The following MLXIP variants were observed in gnomAD, a reference collection of about 807,000 sequenced individuals.
MLXIP encodes the protein MLX interacting protein, also known as MLX-interacting protein.
MLXIP carries 30 observed loss-of-function variants against 87.2 expected under a neutral mutation model. That is an observed-to-expected ratio of 0.34 (90% CI 0.26 to 0.47). MLXIP has a LOEUF of 0.47. Among genes scored for constraint, MLXIP ranks in the 20% least tolerant of loss-of-function variants. The pLI, the probability that MLXIP is intolerant of heterozygous loss-of-function variation, is 1.00. For synonymous variants in MLXIP, 530 were observed against 514.0 expected (o/e 1.03, Z -0.42); for missense variants, 1,002 against 1,240.1 (o/e 0.81, Z 2.88).
chr12:122,138,070 C>T (rs1459885880), intron 12 of MLXIP, 124 bp from the exon 13 acceptor site: 1 of 761,838 alleles, frequency 1.3e-6, no homozygotes, highest in Non-Finnish European at 2.1e-6. Context: ...TCTCGTCGTG[C>T]CCTCCTCCCA....
chr12:122,128,089 C>T (rs1052458081), intron 3 of MLXIP, 121 bp downstream of exon 3: 58 of 816,796 alleles, frequency 7.1e-5, no homozygotes, highest in Middle Eastern at 2.7e-4. Flanking sequence ...GCCTGCCCTG[C>T]GCCATCCATG....
intron 1 of MLXIP, among the ~76,000 whole-genome samples, chr12:122,080,083 C>T (rs1419822044): frequency 6.6e-6 from 1 of 152,226 alleles, no homozygotes; most frequent in Non-Finnish European, 1.5e-5. Context: ...TTCCAAGTCA[C>T]AGAAAATGCC....
chr12:122,134,269 A>T, intron 9 of MLXIP: 1 of 412,028 alleles, frequency 2.4e-6, no homozygotes, highest in South Asian at 4.5e-5. Flanking sequence ...ATCTCGGCTC[A>T]CTGCAACCGC....
chr12:122,113,208 C>G (rs1952630997), intron 1 of MLXIP, among the ~76,000 whole-genome samples: 1 of 152,084 alleles, frequency 6.6e-6, no homozygotes, highest in African/African-American at 2.4e-5. Context: ...TAAAACAAAC[C>G]TGTTCCTACC....
intron 14 of MLXIP, 112 bp from the exon 15 acceptor site, chr12:122,138,703 C>T (rs1163556217): frequency 1.5e-5 from 23 of 1,505,920 alleles, no homozygotes; most frequent in Non-Finnish European, 2.0e-5. Context: ...ACAGACCTCT[C>T]TTCTCTGTGC....
At chr12:122,111,076 CAAAAA>C (rs56017387) in intron 1 of MLXIP, among the ~76,000 whole-genome samples, 5 of 129,730 alleles carry the variant, frequency 3.9e-5, no homozygotes, top group Non-Finnish European at 8.3e-5. Flanking sequence ...GACTCTGTCT[CAAAAA>C]AAAAAAAAAA....
rs1953017791 is a variant in MLXIP, at chr12:122,133,441, G to A, written c.1186G>A (p.Glu396Lys). 4 of 1,612,854 alleles carry A rather than the reference G, an allele frequency of 2.5e-6. No homozygotes were observed. The highest frequency in any genetic ancestry group is 3.4e-6 in the Non-Finnish European group (4 of 1,179,612). The change falls in exon 9 of 17, where the codon GAG (glutamate) becomes AAG (lysine). Residue 396 changes from glutamate to lysine, a missense_variant. This residue lies in a region of MLXIP where 746 missense variants were observed against 897.0 expected (regional missense o/e 0.83). Coordinates refer to ENST00000319080, the MANE Select transcript of MLXIP (RefSeq NM_014938.6). The surrounding 1 kb of genome is among the most constrained non-coding windows in gnomAD (Gnocchi z 4.9). The stretch of plus-strand genomic sequence containing the variant: ...CGCCCCATCCCTGGCTCACATGGAT[G>A]AGCAGGGCTGTGAACACACCTCCCG... The part of the protein sequence containing the change: ...PTAPSLAHMD[E>K]QGCEHTSRTE...
chr12:122,104,835 G>A (rs1029118586), intron 1 of MLXIP, among the ~76,000 whole-genome samples: 21 of 151,872 alleles, frequency 1.4e-4, no homozygotes, highest in Non-Finnish European at 2.5e-4. Context: ...CCACCTCGGC[G>A]TCTCAAAGTG....
At chr12:122,114,801 G>A (rs1050956698) in intron 1 of MLXIP, among the ~76,000 whole-genome samples, 12 of 149,228 alleles carry the variant, frequency 8.0e-5, no homozygotes, top group Non-Finnish European at 1.6e-4. Flanking sequence ...ACTGGAGTGC[G>A]GTGGCACGAT....
chr12:122,141,963 A>G lies in MLXIP; in HGVS notation c.*151A>G, dbSNP rs1953214523. On this transcript the variant is annotated 3_prime_UTR_variant, in exon 17 of 17. Transcript: ENST00000319080. ...ACCGTGGCATCGGGAGGCCATGCTC[A>G]GGTCTGAAGCAGGTTTGGGGCCTGC... 2 of 1,240,082 alleles carry G rather than the reference A, an allele frequency of 1.6e-6. No homozygotes were observed. Among genetic ancestry groups the G allele is most frequent in the African/African-American group, 1.5e-5 (1 of 66,984 alleles). The allele number at this position is 1,240,082 out of a possible 1,614,324, so 76.8% of individuals were successfully genotyped here.
At chr12:122,097,982 T>C (rs141912944) in intron 1 of MLXIP, among the ~76,000 whole-genome samples, 150,263 of 152,364 alleles carry the variant, frequency 0.99, 74,133 homozygotes, top group Middle Eastern at 1. Context: ...GTAAGCTCAC[T>C]GGTGCTATGC....
In MLXIP at chr12:122,132,309, C is replaced by T. The variant is rs1222009298; in HGVS notation, c.1018C>T (p.Arg340Cys). 30 of 1,612,446 alleles carry T rather than the reference C, an allele frequency of 1.9e-5. No individual in the cohort carries two copies. The highest frequency in any genetic ancestry group is 2.5e-5 in the Non-Finnish European group (29 of 1,179,262). The change falls in exon 8 of 17, where the codon CGC becomes TGC. Residue 340 changes from arginine (R) to cysteine (C), a missense_variant. Coordinates refer to ENST00000319080, the MANE Select transcript of MLXIP (RefSeq NM_014938.6). ...EPFQDLFSSS[R>C]SIFGSMLPAS... ...TTTTTCAGACCTCTTCTCTTCTAGC[C>T]GCTCCATTTTTGGCTCCATGCTACC...
At chr12:122,096,886 C>G (rs1952360551) in intron 1 of MLXIP, among the ~76,000 whole-genome samples, 1 of 152,208 alleles carries the variant, frequency 6.6e-6, no homozygotes, top group Non-Finnish European at 1.5e-5. Flanking sequence ...CTGGCGTGAG[C>G]TCTCACGTGG....
intron 16 of MLXIP, 165 bp downstream of exon 16, chr12:122,141,248 G>T (rs1202060951): frequency 1.8e-6 from 1 of 568,154 alleles, no homozygotes; most frequent in East Asian, 1.4e-4. Context: ...CGCCCAGTGG[G>T]GGCAGGAGGC....
intron 14 of MLXIP, 108 bp downstream of exon 14, chr12:122,138,659 C>T (rs988741130): frequency 5.3e-6 from 8 of 1,500,130 alleles, no homozygotes; most frequent in Non-Finnish European, 7.1e-6. Context: ...TGCCTCTTTG[C>T]TGCAGTAGTT....
intron 1 of MLXIP, among the ~76,000 whole-genome samples, chr12:122,125,381 T>C (rs1410562138): frequency 1.3e-5 from 2 of 152,226 alleles, no homozygotes; most frequent in Non-Finnish European, 2.9e-5. Flanking sequence ...CCTAGATCAT[T>C]GAGATTGTTA....
intron 1 of MLXIP, among the ~76,000 whole-genome samples, chr12:122,122,064 G>T (rs1193651884): frequency 6.6e-6 from 1 of 152,094 alleles, no homozygotes; most frequent in Non-Finnish European, 1.5e-5. Flanking sequence ...TGTTCTGATG[G>T]GCAGATGGCA....
chr12:122,141,608 C>A, intron 16 of MLXIP, 83 bp from the exon 17 acceptor site: 1 of 1,562,240 alleles, frequency 6.4e-7, no homozygotes, highest in Non-Finnish European at 8.7e-7. Flanking sequence ...AGCATTCCCA[C>A]ATGGGTTGTA....
rs1394144188 is a variant in MLXIP at position 122,129,921 on chromosome 12, C to T, written c.739-20C>T. ...CTGTTACTCTTTGATGCTTCCTCCC[C>T]TGTGTTGGTGTTGTGTTAGGACGAT... On this transcript the variant is annotated intron_variant, in intron 5 of 16. Coordinates refer to ENST00000319080, the MANE Select transcript of MLXIP (RefSeq NM_014938.6). 1 of 1,597,910 alleles carries T rather than the reference C, an allele frequency of 6.3e-7. No homozygotes were observed. Among genetic ancestry groups the T allele is most frequent in the African/African-American group, 1.3e-5 (1 of 74,630 alleles).
Sources: gnomAD v4.1 joint callset for allele counts (sites outside exome capture counted in the v4.1 genomes callset) on GRCh38, gnomAD v4.1.1 for gene constraint, gnomAD v4.1.1 regional missense constraint, Gnocchi (gnomAD v3.1) non-coding constraint, MANE v1.5 for transcripts, NCBI Gene and HGNC (gene_info 2026-07-23, HGNC 2026-07-21) for gene names.